Variants in TOX3 observed in about 807,000 individuals in gnomAD.
TOX3 encodes TOX high mobility group box family member 3.
A neutral mutation model predicts 64.3 loss-of-function variants in TOX3; 22 were observed. The ratio of observed to expected loss-of-function variants is 0.34; its 90% CI spans 0.24 to 0.49. The LOEUF (loss-of-function observed/expected upper bound fraction) is 0.49. Ranked by LOEUF, TOX3 falls within the 20% of genes least tolerant of loss-of-function variation. TOX3 has a pLI of 0.99. For missense variants in TOX3, 661 were observed against 714.4 expected, an observed-to-expected ratio of 0.93 and a Z score of 0.85; for synonymous variants, 291 against 273.6, an observed-to-expected ratio of 1.06 and a Z score of -0.63.
Position 52,452,604 on chromosome 16 carries a change from C to T in TOX3, c.409-2058G>A, listed in dbSNP as rs561272548. 2.8e-3 allele frequency among the ~76,000 whole-genome samples: 428 copies of T among 151,544 alleles called. 2 individuals carry two copies. The highest frequency in any genetic ancestry group is 3.8e-3 in the Non-Finnish European group (258 of 67,930). On this transcript the variant is annotated intron_variant, in intron 3 of 6. Coordinates refer to ENST00000219746, the MANE Select transcript of TOX3 (RefSeq NM_001080430.4). ...AAATGACGAGTTAATGGGTGCAGCA[C>T]ACCAACATGGCATGTGTATACATAT... is the stretch of plus-strand genomic sequence containing the variant.
chr16:52,444,953 A>T, intron 5 of TOX3: 1 of 152,362 alleles, frequency 6.6e-6, no homozygotes, highest in Admixed American at 6.5e-5. Context: ...TTACATAAAT[A>T]AAATTCCAGC....
intron 1 of TOX3, chr16:52,519,565 A>ACCAACTTGG: frequency 1.3e-6 from 2 of 1,495,208 alleles, no homozygotes; most frequent in Non-Finnish European, 9.0e-7. Context: ...GTTCAGTGAG[A>ACCAACTTGG]GAAATGCATC....
rs1385016991 is a variant in TOX3, at chr16:52,446,012, A to G, written c.888T>C (p.Leu296=). The change falls in exon 5 of 7, where the codon CTT becomes CTC. Residue 296 remains leucine, a synonymous_variant. Coordinates refer to ENST00000219746, the MANE Select transcript of TOX3 (RefSeq NM_001080430.4). ...SKIVASMWDS[L]GEEQKQVYKR... The stretch of plus-strand genomic sequence containing the variant: ...GTCTCACCTGCTTTTGTTCTTCTCC[A>G]AGGCTGTCCCACATAGATGCTACAA... 6 of 1,613,634 alleles carry G rather than the reference A, an allele frequency of 3.7e-6. No individual in the cohort carries two copies. Among genetic ancestry groups the G allele is most frequent in the Non-Finnish European group, 5.1e-6 (6 of 1,179,700 alleles).
chr16:52,522,318 T>C (rs1962629158), intron 1 of TOX3, among the ~76,000 whole-genome samples: 1 of 152,164 alleles, frequency 6.6e-6, no homozygotes, highest in African/African-American at 2.4e-5. Context: ...AGATGCAGAC[T>C]TTAGACAGTT....
At chr16:52,472,479 G>A (rs1030770938) in intron 1 of TOX3, among the ~76,000 whole-genome samples, 3 of 152,090 alleles carry the variant, frequency 2.0e-5, no homozygotes, top group Non-Finnish European at 4.4e-5. Flanking sequence ...ATGGTAAAAT[G>A]TATTTGTTTT....
At chr16:52,533,473 G>C (rs909011220) in intron 1 of TOX3, among the ~76,000 whole-genome samples, 13 of 152,040 alleles carry the variant, frequency 8.6e-5, no homozygotes, top group African/African-American at 2.9e-4. Context: ...AGCCATCTTC[G>C]ACACCTCCCT....
chr16:52,506,690 G>C (rs749848272), intron 1 of TOX3, among the ~76,000 whole-genome samples: 20 of 152,108 alleles, frequency 1.3e-4, no homozygotes, highest in Non-Finnish European at 2.5e-4. Flanking sequence ...GCAGATAAGA[G>C]GACACTTATG....
Position 52,541,275 on chromosome 16 carries a change from G to C in TOX3, c.87+5362C>G, listed in dbSNP as rs146137911. Among the ~76,000 whole-genome samples, 642 of 152,250 alleles carry C rather than the reference G, an allele frequency of 4.2e-3. 4 individuals carry two copies. The highest frequency in any genetic ancestry group is 0.015 in the African/African-American group (622 of 41,552). On this transcript the variant is annotated intron_variant, in intron 1 of 6. Transcript: ENST00000219746. Reference sequence around the variant, plus strand: ...ACCGTACATAGCATGAGATGCACTTGATCTGCAATTTGTCTGGTGGCAGTA... The same window carrying C: ...ACCGTACATAGCATGAGATGCACTTCATCTGCAATTTGTCTGGTGGCAGTA...
In TOX3 at chr16:52,436,545, C is replaced by T. The variant is rs190285284; in HGVS notation, c.*2680G>A. On this transcript the variant is annotated 3_prime_UTR_variant, in exon 7 of 7. Coordinates refer to ENST00000219746, the MANE Select transcript of TOX3 (RefSeq NM_001080430.4). ...GAAATATAAATGGATATATAACATG[C>T]TTTGTGAATCCTGAAAACAATAATT... is the stretch of plus-strand genomic sequence containing the variant. 2.3e-3 allele frequency among the ~76,000 whole-genome samples: 349 copies of T among 152,208 alleles called. 1 individual carries two copies. The highest frequency in any genetic ancestry group is 3.5e-3 in the Admixed American group (54 of 15,284).
chr16:52,454,240 C>CA lies in TOX3; in HGVS notation c.409-3695dup, dbSNP rs746721405. 9.9e-3 allele frequency among the ~76,000 whole-genome samples: 1,380 copies of CA among 139,392 alleles called. 18 individuals carry two copies. The highest frequency in any genetic ancestry group is 0.029 in the African/African-American group (1,117 of 38,524). 91.4% of individuals were successfully genotyped at this position (139,392 alleles called of 152,430 possible). A position where few individuals can be genotyped will look rare whatever the true frequency, so the allele number is the denominator to read the frequency against. On this transcript the variant is annotated intron_variant, in intron 3 of 6. Transcript: ENST00000219746. ...TGAGGTTCCTCATAATATTTCATTA[C>CA]AAAAAAAAAAAAGATTATTTTGCAG...
At chr16:52,503,345 T>TC (rs1461928926) in intron 1 of TOX3, among the ~76,000 whole-genome samples, 1 of 152,178 alleles carries the variant, frequency 6.6e-6, no homozygotes, top group Non-Finnish European at 1.5e-5. Context: ...CTGACAGCCC[T>TC]CACCTCATAG....
At chr16:52,515,185 TAA>T (rs11415785) in intron 1 of TOX3, among the ~76,000 whole-genome samples, 29 of 138,596 alleles carry the variant, frequency 2.1e-4, no homozygotes, top group South Asian at 7.0e-4. Flanking sequence ...CTATGAATGT[TAA>T]AAAAAAAAAA....
chr16:52,513,019 T>G (rs1334983507), intron 1 of TOX3, among the ~76,000 whole-genome samples: 1 of 152,210 alleles, frequency 6.6e-6, no homozygotes, highest in African/African-American at 2.4e-5. Context: ...AAGTACATAA[T>G]GTCACGTTGC....
chr16:52,439,750 G>C lies in TOX3; in HGVS notation c.1206C>G (p.Thr402=). ...TGTTCGAGGGCATGTTGGCTGCAAT[G>C]GTGACTGATGTGACAATCTGGTTCA... ...LPMNQIVTSV[T]IAANMPSNIG... The change falls in exon 7 of 7, where the codon ACC becomes ACG. Residue 402 remains threonine (T), a synonymous_variant. Coordinates refer to ENST00000219746, the MANE Select transcript of TOX3 (RefSeq NM_001080430.4). The C allele has an allele frequency of 1.9e-6, 3 of 1,613,980 alleles. No homozygotes were observed. Among genetic ancestry groups the C allele is most frequent in the Non-Finnish European group, 2.5e-6 (3 of 1,179,888 alleles).
At chr16:52,440,112 C>A (rs1016138089) in intron 6 of TOX3, 144 bp from the exon 7 acceptor site, 142 of 673,416 alleles carry the variant, frequency 2.1e-4, no homozygotes, top group Non-Finnish European at 3.3e-4. Flanking sequence ...TGTCTTGTGA[C>A]TTTTTCACTC....
At chr16:52,500,554 A>T (rs982038890) in intron 1 of TOX3, among the ~76,000 whole-genome samples, 1 of 152,214 alleles carries the variant, frequency 6.6e-6, no homozygotes, top group Non-Finnish European at 1.5e-5. Flanking sequence ...CCTACTAGAT[A>T]TCAAAGGCTG....
chr16:52,452,000 C>A (rs543729909), intron 3 of TOX3, among the ~76,000 whole-genome samples: 33 of 152,202 alleles, frequency 2.2e-4, no homozygotes, highest in Non-Finnish European at 4.6e-4. Flanking sequence ...TAACAACGTC[C>A]CTCCCCGTAC....
Position 52,439,497 on chromosome 16 carries a change from G to A in TOX3, c.1459C>T (p.Gln487Ter). 7.1e-7 allele frequency: 1 copy of A among 1,408,436 alleles called. No individual in the cohort carries two copies. Among genetic ancestry groups the A allele is most frequent in the Non-Finnish European group, 9.8e-7 (1 of 1,016,916 alleles). The allele number at this position is 1,408,436 out of a possible 1,614,324, so 87.2% of individuals were successfully genotyped here. ...TGCTGCTGCTGCTGCAGGTGCTGCTGCATGTGGTGCTGGAAATGCTGCTGC... is the reference window on the plus strand; with the variant it reads ...TGCTGCTGCTGCTGCAGGTGCTGCTACATGTGGTGCTGGAAATGCTGCTGC... Reference protein sequence around the residue: ...MQQQHFQHHMQQHLQQQQQHL... With the variant: ...MQQQHFQHHM The change falls in exon 7 of 7, where the codon CAG becomes TAG. Residue 487 changes from glutamine (Q) to a stop codon, truncating the protein, a stop_gained. Coordinates refer to ENST00000219746, the MANE Select transcript of TOX3 (RefSeq NM_001080430.4). LOFTEE classifies it high-confidence loss of function.
chr16:52,438,642 CA>C lies in TOX3; in HGVS notation c.*582del, dbSNP rs1406233203. ...GTCAATAATTGAATTTAGTCACTTG[CA>C]TTTTTTTTCTGGAGAGATTTAGGAA... On this transcript the variant is annotated 3_prime_UTR_variant, in exon 7 of 7. Coordinates refer to ENST00000219746, the MANE Select transcript of TOX3 (RefSeq NM_001080430.4). 5.5e-6 allele frequency: 1 copy of C among 182,694 alleles called. No homozygotes were observed. Among genetic ancestry groups the C allele is most frequent in the African/African-American group, 2.4e-5 (1 of 41,642 alleles). The allele number at this position is 182,694 out of a possible 1,614,324, so 11.3% of individuals were successfully genotyped here.
Sources: gnomAD v4.1 joint callset for allele counts (sites outside exome capture counted in the v4.1 genomes callset) on GRCh38, gnomAD v4.1.1 for gene constraint, MANE v1.5 for transcripts, NCBI Gene and HGNC (gene_info 2026-07-23, HGNC 2026-07-21) for gene names.